The following GRK4 variants were observed in gnomAD, a reference collection of about 807,000 sequenced individuals.
The protein encoded by GRK4 is G protein-coupled receptor kinase 4.
Under a neutral mutation model 77.9 loss-of-function variants are expected in GRK4, and 73 were observed. That is an observed-to-expected ratio of 0.94 (90% CI 0.78 to 1.14). The LOEUF is 1.14. Among genes scored for constraint, GRK4 ranks in the 50% most tolerant of loss-of-function variants. The pLI is 0.00. For missense variants in GRK4, 729 were observed against 700.2 expected, an observed-to-expected ratio of 1.04 and a Z score of -0.46; for synonymous variants, 257 against 254.4, an observed-to-expected ratio of 1.01 and a Z score of -0.10.
chr4:3,035,073 G>A (rs1740215922), intron 12 of GRK4, among the ~76,000 whole-genome samples: 1 of 151,824 alleles, frequency 6.6e-6, no homozygotes, highest in African/African-American at 2.4e-5. Context: ...GTGAAACCCC[G>A]TCTCCACTAA....
At chr4:2,997,010 A>C (rs1409960680) in intron 4 of GRK4, among the ~76,000 whole-genome samples, 4 of 152,170 alleles carry the variant, frequency 2.6e-5, no homozygotes, top group African/African-American at 9.7e-5. Context: ...TCTTGATGCC[A>C]GGAGTTGAAA....
At chr4:3,015,544 A>G (rs569663818) in intron 8 of GRK4, among the ~76,000 whole-genome samples, 74 of 152,100 alleles carry the variant, frequency 4.9e-4, no homozygotes, top group African/African-American at 1.2e-3. Context: ...GCGTGGTGGC[A>G]GGCGCCTGTA....
chr4:3,022,334 G>A (rs1162893239), intron 9 of GRK4, 80 bp from the exon 10 acceptor site: 24 of 1,404,452 alleles, frequency 1.7e-5, no homozygotes, highest in Middle Eastern at 1.8e-4. Flanking sequence ...CCTTGCTCAC[G>A]CTGGTTGTTC....
chr4:3,035,606 G>A, intron 13 of GRK4, 83 bp downstream of exon 13: 1 of 1,441,574 alleles, frequency 6.9e-7, no homozygotes, highest in Non-Finnish European at 9.4e-7. Context: ...TTCAAAAATA[G>A]AGATGGGGGG....
chr4:2,988,249 T>C (rs955653438), intron 2 of GRK4, among the ~76,000 whole-genome samples: 9 of 152,072 alleles, frequency 5.9e-5, no homozygotes, highest in Admixed American at 1.3e-4. Context: ...TTATTTTTCA[T>C]TGAATCTAAT....
chr4:2,974,731 A>G (rs1216376401), intron 1 of GRK4, among the ~76,000 whole-genome samples: 1 of 152,160 alleles, frequency 6.6e-6, no homozygotes, highest in Non-Finnish European at 1.5e-5. Flanking sequence ...TTGCATGGAA[A>G]AGTTCTCTAA....
chr4:3,034,504 C>T (rs1207731664), intron 12 of GRK4, among the ~76,000 whole-genome samples: 1 of 152,116 alleles, frequency 6.6e-6, no homozygotes, highest in Non-Finnish European at 1.5e-5. Flanking sequence ...AAGCCCAGGT[C>T]TAGGTCACGT....
intron 1 of GRK4, among the ~76,000 whole-genome samples, chr4:2,984,267 T>G (rs958675072): frequency 2.0e-5 from 3 of 152,196 alleles, no homozygotes; most frequent in African/African-American, 7.2e-5. Context: ...TGTTTACAGA[T>G]TTGGAAACTG....
At chr4:3,034,091 C>T (rs1346889241) in intron 12 of GRK4, among the ~76,000 whole-genome samples, 1 of 152,106 alleles carries the variant, frequency 6.6e-6, no homozygotes, top group Non-Finnish European at 1.5e-5. Flanking sequence ...TACTTGTCAT[C>T]GAGGAGAGGT....
chr4:2,975,631 T>G (rs992019476), intron 1 of GRK4, among the ~76,000 whole-genome samples: 2 of 152,042 alleles, frequency 1.3e-5, no homozygotes, highest in African/African-American at 2.4e-5. Flanking sequence ...CCGGCTAACA[T>G]GGACAGACAG....
chr4:3,019,143 C>T (rs1421309294), intron 8 of GRK4, among the ~76,000 whole-genome samples: 1 of 152,120 alleles, frequency 6.6e-6, no homozygotes, highest in East Asian at 1.9e-4. Context: ...ATGAAAGGGT[C>T]CCCTATCTTT....
Position 3,026,091 on chromosome 4 carries a change from T to C in GRK4, c.971-1821T>C, listed in dbSNP as rs373257433. 2.0e-5 allele frequency among the ~76,000 whole-genome samples: 3 copies of C among 152,316 alleles called. No homozygotes were observed. The East Asian group carries it at 5.8e-4, about 29-fold the overall frequency. Reference sequence around the variant, plus strand: ...TCCGTTGGTGCCGCGATGGAGAGCCTTGGGCACATGTAATTTCCTATTTCG... The same window carrying C: ...TCCGTTGGTGCCGCGATGGAGAGCCCTGGGCACATGTAATTTCCTATTTCG... On this transcript the variant is annotated intron_variant, in intron 10 of 15. Coordinates refer to ENST00000398052, the MANE Select transcript of GRK4 (RefSeq NM_182982.3).
intron 2 of GRK4, chr4:2,986,809 C>T: frequency 3.0e-6 from 1 of 337,830 alleles, no homozygotes. Flanking sequence ...TCCTTTAGTA[C>T]TATTGTAGTT....
At chr4:2,998,139 C>T (rs895561158) in intron 4 of GRK4, among the ~76,000 whole-genome samples, 1 of 151,262 alleles carries the variant, frequency 6.6e-6, no homozygotes, top group African/African-American at 2.4e-5. Context: ...CGTGGATCAC[C>T]TGAGGTCAGG....
At chr4:3,001,390 G>T (rs1196704555) in intron 4 of GRK4, among the ~76,000 whole-genome samples, 2 of 143,498 alleles carry the variant, frequency 1.4e-5, no homozygotes, top group African/African-American at 2.6e-5. Context: ...TTTTGAGATG[G>T]AGTTTCGCTC....
At chr4:2,974,976 C>T (rs893649538) in intron 1 of GRK4, among the ~76,000 whole-genome samples, 6 of 152,198 alleles carry the variant, frequency 3.9e-5, no homozygotes, top group Admixed American at 2.0e-4. Flanking sequence ...CATGCACAGC[C>T]TTCTTCCCTT....
At chr4:3,001,449 C>G (rs1169410340) in intron 4 of GRK4, among the ~76,000 whole-genome samples, 2 of 150,732 alleles carry the variant, frequency 1.3e-5, no homozygotes, top group African/African-American at 2.4e-5. Flanking sequence ...TCACTGCAAC[C>G]TCTGCCTCCT....
chr4:2,994,724 GT>G (rs1241198787), intron 4 of GRK4, among the ~76,000 whole-genome samples: 1 of 152,180 alleles, frequency 6.6e-6, no homozygotes, highest in East Asian at 1.9e-4. Context: ...TGGTGCCTTA[GT>G]CTGTTTTGTG....
At chr4:2,978,985 T>G (rs1357741860) in intron 1 of GRK4, among the ~76,000 whole-genome samples, 1 of 151,996 alleles carries the variant, frequency 6.6e-6, no homozygotes, top group African/African-American at 2.4e-5. Context: ...ATCCCAGCAC[T>G]TTGGGAGGCC....
Sources: gnomAD v4.1 joint callset for allele counts (sites outside exome capture counted in the v4.1 genomes callset) on GRCh38, gnomAD v4.1.1 for gene constraint, MANE v1.5 for transcripts, NCBI Gene and HGNC (gene_info 2026-07-23, HGNC 2026-07-21) for gene names.